Variants in PARP6 observed in about 807,000 individuals in gnomAD.
PARP6 encodes the protein poly(ADP-ribose) polymerase family member 6, also known as protein mono-ADP-ribosyltransferase PARP6.
In PARP6, 27 loss-of-function variants were observed where a neutral mutation model predicts 92.0. The observed-to-expected ratio is 0.29, with a 90% CI of 0.22 to 0.40. The LOEUF (loss-of-function observed/expected upper bound fraction) is 0.40, where lower values mean the gene tolerates loss of function less well. Ranked by LOEUF, PARP6 falls within the 10% of genes least tolerant of loss-of-function variation. The probability of loss-of-function intolerance (pLI) is 1.00; values close to 1 mark genes in which losing one functional copy is unlikely to be tolerated. For missense variants in PARP6, 501 were observed against 784.5 expected, an observed-to-expected ratio of 0.64 and a Z score of 4.32; for synonymous variants, 272 against 281.2, an observed-to-expected ratio of 0.97 and a Z score of 0.33.
At chr15:72,266,152 C>T (rs765946521) in intron 4 of PARP6, among the ~76,000 whole-genome samples, 161 bp from the exon 5 acceptor site, 1 of 151,898 alleles carries the variant, frequency 6.6e-6, no homozygotes, top group Non-Finnish European at 1.5e-5. Context: ...CAGTGGTGAC[C>T]CTAGCAAGGG....
At chr15:72,252,812 A>T (rs1451115273) in intron 16 of PARP6, among the ~76,000 whole-genome samples, 1 of 152,224 alleles carries the variant, frequency 6.6e-6, no homozygotes, top group Non-Finnish European at 1.5e-5. Flanking sequence ...CAATTTAAAA[A>T]ATAAATTAAC....
chr15:72,262,320 C>T (rs1567223435), intron 8 of PARP6, among the ~76,000 whole-genome samples: 2 of 152,134 alleles, frequency 1.3e-5, no homozygotes. Context: ...CTTAAGCCAT[C>T]AGGTATCAGT....
rs771675237 is a variant in PARP6, at chr15:72,241,855, C to T, written c.1790+46G>A. On this transcript the variant is annotated intron_variant, in intron 23 of 23. Transcript: ENST00000569795. The surrounding 1 kb of genome is among the most constrained non-coding windows in gnomAD (Gnocchi z 4.1). ...CCAGTAGCCACACACCATCACACCC[C>T]CAACCTCACTCCTCGAGTAATCCCC... 7 of 1,384,796 alleles carry T rather than the reference C, an allele frequency of 5.1e-6. No homozygotes were observed. The highest frequency in any genetic ancestry group is 1.7e-5 in the Admixed American group (1 of 59,720). The allele number at this position is 1,384,796 out of a possible 1,614,324, so 85.8% of individuals were successfully genotyped here. A position where few individuals can be genotyped will look rare whatever the true frequency, so the allele number is the denominator to read the frequency against.
At chr15:72,269,934 A>T (rs1201530462) in intron 2 of PARP6, among the ~76,000 whole-genome samples, 1 of 151,934 alleles carries the variant, frequency 6.6e-6, no homozygotes, top group Non-Finnish European at 1.5e-5. Context: ...AGAAAAAAAG[A>T]AATTCCAGAA....
intron 1 of PARP6, among the ~76,000 whole-genome samples, chr15:72,271,517 A>C (rs1340008342): frequency 2.6e-5 from 4 of 152,192 alleles, no homozygotes; most frequent in African/African-American, 9.7e-5. Context: ...CACTTTTTAA[A>C]AAATTAGCCG....
rs1158616650 is a variant in PARP6, at chr15:72,260,695, A to G, written c.546-7T>C. On this transcript the variant is annotated splice_region_variant and splice_polypyrimidine_tract_variant and intron_variant, in intron 9 of 23. Transcript: ENST00000569795. The stretch of plus-strand genomic sequence containing the variant: ...GATAGGGAAACTGGGAGACCTGCAG[A>G]GAGAGAGCAAAGAGAAGTGATAAAA... The G allele has an allele frequency of 4.4e-6, 7 of 1,601,898 alleles. No homozygotes were observed. Among genetic ancestry groups the G allele is most frequent in the Non-Finnish European group, 6.0e-6 (7 of 1,169,026 alleles).
chr15:72,264,527 C>T (rs1242924527), intron 8 of PARP6, 28 bp downstream of exon 8: 2 of 1,567,266 alleles, frequency 1.3e-6, no homozygotes, highest in African/African-American at 1.4e-5. Flanking sequence ...TTCACATGTC[C>T]ATGACCAGAA....
In PARP6 at chr15:72,259,613, C is replaced by T. The variant is rs201181668; in HGVS notation, c.805G>A (p.Val269Ile). 107 of 1,613,782 alleles carry T rather than the reference C, an allele frequency of 6.6e-5. No individual in the cohort carries two copies. Among genetic ancestry groups the T allele is most frequent in the Non-Finnish European group, 7.9e-5 (93 of 1,179,886 alleles). ...GACAATTTTGACTTGATTACCTGAA[C>T]GAGGAATCCATACTCCAGAGTGGGA... ...NIPTLEYGFL[V>I]QIMKYAEQRI... Residue 269 changes from valine (V) to isoleucine (I), a missense_variant, in exon 11 of 24, where the codon GTT (valine) becomes ATT (isoleucine). Physicochemically the swap from Val to Ile is conservative, Grantham distance 29 (BLOSUM62 3). Transcript: ENST00000569795.
Position 72,241,450 on chromosome 15 carries a change from C to T in PARP6, c.*5G>A. 6.2e-7 allele frequency: 1 copy of T among 1,609,246 alleles called. No homozygotes were observed. The highest frequency in any genetic ancestry group is 8.5e-7 in the Non-Finnish European group (1 of 1,175,612). On this transcript the variant is annotated 3_prime_UTR_variant, in exon 24 of 24. Transcript: ENST00000569795. The surrounding 1 kb of genome is among the most constrained non-coding windows in gnomAD (Gnocchi z 4.1). ...AACAGGGGTGGTACGAGGGCTGGGG[C>T]CCCCTCAGTTTGTGTAAACCTGAGT... is the stretch of plus-strand genomic sequence containing the variant.
intron 13 of PARP6, 25 bp downstream of exon 13, chr15:72,257,323 C>G: frequency 6.5e-7 from 1 of 1,547,734 alleles, no homozygotes; most frequent in Non-Finnish European, 8.9e-7. Flanking sequence ...TCCCAATTCC[C>G]CAGCCACGTT....
intron 11 of PARP6, among the ~76,000 whole-genome samples, chr15:72,258,789 A>G (rs1443438258): frequency 1.3e-5 from 2 of 152,236 alleles, no homozygotes; most frequent in East Asian, 3.8e-4. Flanking sequence ...TTTGTGCATC[A>G]ATCAAGTTGT....
rs201968521 is a variant in PARP6, at chr15:72,242,215, T to C, written c.1647A>G (p.Arg549=). The change falls in exon 22 of 24, where the codon CGA becomes CGG. Residue 549 remains arginine (R), a synonymous_variant. Coordinates refer to ENST00000569795, the MANE Select transcript of PARP6 (RefSeq NM_001323532.2). This position sits in a 1 kb window ranked among gnomAD's most constrained non-coding sequence, Gnocchi z 4.3. ...TCTGCAGGAACCGTGACTGAATGGA[T>C]CGGGTCTGGAAGAGAAGGAGGCAAA... ...YNRMNTIPQT[R]SIQSRFLQSR... 6 of 1,613,900 alleles carry C rather than the reference T, an allele frequency of 3.7e-6. No individual in the cohort carries two copies. Among genetic ancestry groups the C allele is most frequent in the Non-Finnish European group, 8.5e-7 (1 of 1,179,880 alleles).
In PARP6 at chr15:72,242,314, C is replaced by G; in HGVS notation, c.1642-94G>C. On this transcript the variant is annotated intron_variant, in intron 21 of 23. Transcript: ENST00000569795. This position sits in a 1 kb window ranked among gnomAD's most constrained non-coding sequence, Gnocchi z 4.3. ...TTAGCTGATGATTGGGAGTGGGGAT[C>G]AGAGATATCCTGGGCTCCCAGCAAC... The G allele has an allele frequency of 1.0e-6, 1 of 990,814 alleles. No individual in the cohort carries two copies. Among genetic ancestry groups the G allele is most frequent in the Non-Finnish European group, 1.6e-6 (1 of 628,858 alleles). The allele number at this position is 990,814 out of a possible 1,614,324, so 61.4% of individuals were successfully genotyped here.
At chr15:72,250,798 TCCCCGCCCCCTCACCACCCCCACTG>T in intron 18 of PARP6, 22 bp downstream of exon 18, 2 of 918,744 alleles carry the variant, frequency 2.2e-6, no homozygotes, top group Non-Finnish European at 3.5e-6. Context: ...TTCTTGCTCA[TCCCCGCCCCCTCACCACCCCCACTG>T]CCCAGCCCCC....
chr15:72,272,125 C>T (rs1268650785), intron 1 of PARP6, among the ~76,000 whole-genome samples: 2 of 152,226 alleles, frequency 1.3e-5, no homozygotes, highest in Admixed American at 1.3e-4. Context: ...TTAGCGCTAT[C>T]TCGGGCACCC....
At chr15:72,250,797 AT>A in intron 18 of PARP6, 47 bp downstream of exon 18, 1 of 919,006 alleles carries the variant, frequency 1.1e-6, no homozygotes, top group Non-Finnish European at 1.7e-6. Context: ...CTTCTTGCTC[AT>A]CCCCGCCCCC....
intron 20 of PARP6, among the ~76,000 whole-genome samples, chr15:72,247,243 T>C (rs1208898722): frequency 1.3e-5 from 2 of 152,098 alleles, no homozygotes; most frequent in Non-Finnish European, 2.9e-5. Flanking sequence ...GACATGATCA[T>C]GGCTCACTGC....
Position 72,267,745 on chromosome 15 carries a change from T to A in PARP6, c.-194-74A>T, listed in dbSNP as rs1272631293. On this transcript the variant is annotated intron_variant, in intron 2 of 23. Transcript: ENST00000569795. ...TGGTGTATATATACAGGCACACGTA[T>A]TTATCAATACACTTTTTTTTTTTGA... The A allele has an allele frequency of 8.2e-5, 35 of 424,400 alleles. 1 individual carries two copies. The highest frequency in any genetic ancestry group is 8.4e-6 in the Non-Finnish European group (2 of 237,114). 26.3% of individuals were successfully genotyped at this position (424,400 alleles called of 1,614,324 possible).
rs2083920498 is a variant in PARP6 at position 72,248,560 on chromosome 15, T to C, written c.1561+685A>G. Reference sequence around the variant, plus strand: ...TAAGAATCTAGCACAATCCCCTTCATGTAGTGAACATGCAACTACATGGTG... The same window carrying C: ...TAAGAATCTAGCACAATCCCCTTCACGTAGTGAACATGCAACTACATGGTG... On this transcript the variant is annotated intron_variant, in intron 20 of 23. Coordinates refer to ENST00000569795, the MANE Select transcript of PARP6 (RefSeq NM_001323532.2). 2.0e-5 allele frequency among the ~76,000 whole-genome samples: 3 copies of C among 152,220 alleles called. No individual in the cohort carries two copies. In the South Asian group the frequency reaches 6.2e-4, roughly 31 times the overall value.
Sources: gnomAD v4.1 joint callset for allele counts (sites outside exome capture counted in the v4.1 genomes callset) on GRCh38, gnomAD v4.1.1 for gene constraint, Gnocchi (gnomAD v3.1) non-coding constraint, MANE v1.5 for transcripts, NCBI Gene and HGNC (gene_info 2026-07-23, HGNC 2026-07-21) for gene names.